Variants in FBXL17 observed in about 807,000 individuals in gnomAD.
The protein encoded by FBXL17 is F-box/LRR-repeat protein 17.
In FBXL17, 22 loss-of-function variants were observed where a neutral mutation model predicts 66.2. That is an observed-to-expected ratio of 0.33 (90% CI 0.24 to 0.47). The LOEUF (loss-of-function observed/expected upper bound fraction) is 0.47, where lower values mean the gene tolerates loss of function less well. FBXL17 is among the 20% of genes least tolerant of loss of function. FBXL17 has a pLI of 1.00. For synonymous variants in FBXL17, 474 were observed against 400.5 expected, an observed-to-expected ratio of 1.18 and a Z score of -2.19; for missense variants, 878 against 948.2, an observed-to-expected ratio of 0.93 and a Z score of 0.97.
intron 6 of FBXL17, among the ~76,000 whole-genome samples, chr5:108,106,382 T>C (rs1044126796): frequency 1.1e-4 from 17 of 152,160 alleles, no homozygotes; most frequent in African/African-American, 3.9e-4. Context: ...AATGTAAAGT[T>C]GCCATACGTC....
intron 7 of FBXL17, among the ~76,000 whole-genome samples, chr5:107,914,256 C>T (rs766275652): frequency 6.6e-6 from 1 of 152,086 alleles, no homozygotes; most frequent in Non-Finnish European, 1.5e-5. Flanking sequence ...CCTTTATGTA[C>T]TGATTACACT....
intron 4 of FBXL17, among the ~76,000 whole-genome samples, chr5:108,308,816 A>C (rs1758978356): frequency 6.6e-6 from 1 of 152,064 alleles, no homozygotes; most frequent in African/African-American, 2.4e-5. Flanking sequence ...ATAATTTTTA[A>C]ATGGCTAACA....
At chr5:107,987,242 C>A (rs918561556) in intron 7 of FBXL17, among the ~76,000 whole-genome samples, 9 of 147,194 alleles carry the variant, frequency 6.1e-5, no homozygotes, top group Admixed American at 1.4e-4. Context: ...ATGCAAAAAC[C>A]AAAACCACAT....
chr5:108,326,271 TAAG>T, intron 4 of FBXL17, among the ~76,000 whole-genome samples: 1 of 151,874 alleles, frequency 6.6e-6, no homozygotes, highest in East Asian at 1.9e-4. Context: ...TTATAACATG[TAAG>T]AAGACAACCA....
intron 6 of FBXL17, among the ~76,000 whole-genome samples, chr5:108,098,810 AT>A (rs1340562766): frequency 3.9e-5 from 6 of 152,130 alleles, no homozygotes; most frequent in African/African-American, 1.2e-4. Flanking sequence ...CTGAAAAAAA[AT>A]ATATACTTTA....
At chr5:108,143,347 T>TCA (rs67696841) in intron 6 of FBXL17, among the ~76,000 whole-genome samples, 28,027 of 147,650 alleles carry the variant, frequency 0.19, 2,714 homozygotes, top group African/African-American at 0.26. Context: ...AACAGCATTC[T>TCA]CACACACACA....
intron 5 of FBXL17, among the ~76,000 whole-genome samples, chr5:108,200,692 G>GGA (rs529290010): frequency 1.4e-5 from 2 of 140,694 alleles, no homozygotes; most frequent in Non-Finnish European, 3.1e-5. Context: ...GCTTTTTCTT[G>GGA]AAAAAAAAAA....
intron 6 of FBXL17, among the ~76,000 whole-genome samples, chr5:108,114,422 A>T (rs964962543): frequency 6.6e-6 from 1 of 152,202 alleles, no homozygotes; most frequent in Non-Finnish European, 1.5e-5. Flanking sequence ...TTAATGAAAG[A>T]CAATTAGGTA....
intron 7 of FBXL17, among the ~76,000 whole-genome samples, chr5:107,893,109 GA>G (rs1403952583): frequency 3.3e-5 from 5 of 152,034 alleles, no homozygotes; most frequent in African/African-American, 1.2e-4. Context: ...AGGAACTAAT[GA>G]AAAAGTAGGG....
Position 108,380,843 on chromosome 5 carries a change from G to A in FBXL17, c.849C>T (p.Gly283=), listed in dbSNP as rs1369874506. ...EAGGDAVRAG[G]TAPLSAQQQH... ...GCTGCTGGGCGGACAAGGGGGCGGT[G>A]CCCCCGGCTCGGACAGCGTCCCCGC... Residue 283 remains glycine, a synonymous_variant, in exon 1 of 9, where the codon GGC becomes GGT. Transcript: ENST00000542267. 19 of 1,246,948 alleles carry A rather than the reference G, an allele frequency of 1.5e-5. No homozygotes were observed. Among genetic ancestry groups the A allele is most frequent in the Non-Finnish European group, 1.8e-5 (18 of 988,174 alleles). 77.2% of individuals were successfully genotyped at this position (1,246,948 alleles called of 1,614,324 possible).
chr5:108,104,863 T>C (rs1217985135), intron 6 of FBXL17, among the ~76,000 whole-genome samples: 1 of 152,162 alleles, frequency 6.6e-6, no homozygotes, highest in Non-Finnish European at 1.5e-5. Flanking sequence ...TTTTTTGAGA[T>C]GGAGTCTCGC....
intron 4 of FBXL17, among the ~76,000 whole-genome samples, chr5:108,322,800 G>A (rs1759678310): frequency 6.6e-6 from 1 of 151,798 alleles, no homozygotes; most frequent in Admixed American, 6.6e-5. Flanking sequence ...TGTACATCAA[G>A]GTCTGTACAG....
chr5:107,947,434 G>T (rs1751351164), intron 7 of FBXL17, among the ~76,000 whole-genome samples: 1 of 152,212 alleles, frequency 6.6e-6, no homozygotes, highest in African/African-American at 2.4e-5. Context: ...CCCTAGGTTT[G>T]TGGGTGCTTA....
chr5:107,994,813 G>C (rs1412991258), intron 7 of FBXL17, among the ~76,000 whole-genome samples: 1 of 152,130 alleles, frequency 6.6e-6, no homozygotes, highest in African/African-American at 2.4e-5. Flanking sequence ...ACTCCAGCCT[G>C]GGAGAGAGAG....
At chr5:107,938,393 T>G (rs1561329744) in intron 7 of FBXL17, among the ~76,000 whole-genome samples, 1 of 152,170 alleles carries the variant, frequency 6.6e-6, no homozygotes, top group Non-Finnish European at 1.5e-5. Flanking sequence ...AAAACATGGT[T>G]CTAGGCATCA....
At chr5:108,230,138 A>G (rs2150084109) in intron 4 of FBXL17, among the ~76,000 whole-genome samples, 1 of 152,312 alleles carries the variant, frequency 6.6e-6, no homozygotes, top group East Asian at 1.9e-4. Context: ...AAAACTAGTA[A>G]AACCACTATG....
chr5:108,326,224 A>G (rs1182019702), intron 4 of FBXL17, among the ~76,000 whole-genome samples: 2 of 152,168 alleles, frequency 1.3e-5, no homozygotes, highest in African/African-American at 2.4e-5. Flanking sequence ...CAATGCATAC[A>G]TCTGACACAA....
At chr5:108,206,698 G>A (rs1754132557) in intron 5 of FBXL17, among the ~76,000 whole-genome samples, 1 of 152,170 alleles carries the variant, frequency 6.6e-6, no homozygotes, top group South Asian at 2.1e-4. Context: ...GTATGTATCA[G>A]TAATTCATTC....
In FBXL17 at chr5:108,170,180, T is replaced by C. The variant is rs529274438; in HGVS notation, c.1745+15937A>G. ...ATCAACACCAAAAATAGGAATTCAG[T>C]TTAAATTCAAGTTAAAAGGAAAACA... On this transcript the variant is annotated intron_variant, in intron 6 of 8. Transcript: ENST00000542267. Among the ~76,000 whole-genome samples the C allele has an allele frequency of 2.6e-5, 4 of 152,178 alleles. No individual in the cohort carries two copies. The South Asian group carries it at 8.3e-4, about 32-fold the overall frequency.
Sources: gnomAD v4.1 joint callset for allele counts (sites outside exome capture counted in the v4.1 genomes callset) on GRCh38, gnomAD v4.1.1 for gene constraint, MANE v1.5 for transcripts, NCBI Gene and HGNC (gene_info 2026-07-23, HGNC 2026-07-21) for gene names.